MACROD2: variants seen among roughly 807,000 people sequenced by gnomAD.
MACROD2 encodes ADP-ribose glycohydrolase MACROD2.
Under a neutral mutation model 70.4 loss-of-function variants are expected in MACROD2, and 36 were observed. The observed-to-expected ratio is 0.51, with a 90% confidence interval of 0.39 to 0.68. MACROD2 has a LOEUF of 0.68. Ranked by LOEUF, MACROD2 falls within the 30% of genes least tolerant of loss-of-function variation. The probability of loss-of-function intolerance (pLI) is 0.00; values close to 1 mark genes in which losing one functional copy is unlikely to be tolerated. For missense variants in MACROD2, 496 were observed against 538.4 expected, an observed-to-expected ratio of 0.92 and a Z score of 0.78; for synonymous variants, 172 against 178.8, an observed-to-expected ratio of 0.96 and a Z score of 0.30.
chr20:15,189,828 A>C (rs1336952601), intron 5 of MACROD2, among the ~76,000 whole-genome samples: 1 of 152,184 alleles, frequency 6.6e-6, no homozygotes, highest in African/African-American at 2.4e-5. Context: ...TTACAGTGTT[A>C]TCTCACCGAG....
intron 5 of MACROD2, among the ~76,000 whole-genome samples, chr20:14,982,802 A>G (rs1452010386): frequency 6.6e-6 from 1 of 152,158 alleles, no homozygotes; most frequent in Non-Finnish European, 1.5e-5. Flanking sequence ...AGGGCAGTGC[A>G]TTGGGCAGTG....
chr20:14,327,591 C>T (rs920144067), intron 3 of MACROD2: 1 of 1,395,404 alleles, frequency 7.2e-7, no homozygotes, highest in Admixed American at 2.7e-5. Context: ...AGACAGAAAA[C>T]AATAAGGCCA....
At chr20:14,165,188 T>C (rs1270374299) in intron 3 of MACROD2, among the ~76,000 whole-genome samples, 1 of 152,160 alleles carries the variant, frequency 6.6e-6, no homozygotes, top group African/African-American at 2.4e-5. Context: ...GTATGAGCTC[T>C]CTCTGGAGCA....
intron 5 of MACROD2, among the ~76,000 whole-genome samples, chr20:15,077,951 C>G (rs2123122715): frequency 6.6e-6 from 1 of 152,132 alleles, no homozygotes; most frequent in Non-Finnish European, 1.5e-5. Context: ...GAGGCATTCT[C>G]AGAAAGCTCA....
At chr20:14,020,874 G>A (rs926255636) in intron 2 of MACROD2, among the ~76,000 whole-genome samples, 6 of 152,028 alleles carry the variant, frequency 3.9e-5, no homozygotes, top group African/African-American at 1.4e-4. Flanking sequence ...TCTTAAGTAG[G>A]CTTCTTTTGA....
At chr20:15,329,545 C>T (rs1219595185) in intron 6 of MACROD2, among the ~76,000 whole-genome samples, 4 of 151,888 alleles carry the variant, frequency 2.6e-5, no homozygotes, top group Non-Finnish European at 4.4e-5. Flanking sequence ...CAGGACCAGC[C>T]TGGGCAACAT....
intron 5 of MACROD2, among the ~76,000 whole-genome samples, chr20:15,070,878 A>G (rs1412357315): frequency 6.6e-6 from 1 of 151,956 alleles, no homozygotes; most frequent in Non-Finnish European, 1.5e-5. Flanking sequence ...TCACTAGGGT[A>G]AACTTGAATA....
At chr20:15,555,369 G>A (rs2048152757) in intron 8 of MACROD2, among the ~76,000 whole-genome samples, 1 of 152,112 alleles carries the variant, frequency 6.6e-6, no homozygotes, top group South Asian at 2.1e-4. Flanking sequence ...TCACTTGAGT[G>A]CCTTCTTCTT....
At chr20:15,699,565 G>A (rs1319041627) in intron 8 of MACROD2, among the ~76,000 whole-genome samples, 2 of 152,102 alleles carry the variant, frequency 1.3e-5, no homozygotes, top group Non-Finnish European at 2.9e-5. Flanking sequence ...TGCCAGGAGG[G>A]GGCGCTTTCC....
intron 5 of MACROD2, among the ~76,000 whole-genome samples, chr20:14,839,451 G>A (rs1355928996): frequency 6.6e-6 from 1 of 152,092 alleles, no homozygotes; most frequent in Non-Finnish European, 1.5e-5. Context: ...CATGATCTTT[G>A]TAATGGCTGT....
At chr20:15,090,043 G>C (rs2075781560) in intron 5 of MACROD2, among the ~76,000 whole-genome samples, 2 of 152,110 alleles carry the variant, frequency 1.3e-5, no homozygotes, top group Non-Finnish European at 2.9e-5. Flanking sequence ...TGTGTGCTGA[G>C]ATGTTTGAGA....
intron 8 of MACROD2, among the ~76,000 whole-genome samples, chr20:15,804,164 C>A (rs1456012953): frequency 6.6e-6 from 1 of 152,156 alleles, no homozygotes; most frequent in Non-Finnish European, 1.5e-5. Flanking sequence ...TCAGATCAGG[C>A]CCTACTTATA....
At chr20:14,304,625 AAGC>A (rs2082504183) in intron 3 of MACROD2, among the ~76,000 whole-genome samples, 1 of 152,078 alleles carries the variant, frequency 6.6e-6, no homozygotes, top group African/African-American at 2.4e-5. Context: ...ATTATTTCAA[AAGC>A]TCTCTGTTAG....
At chr20:14,017,232 C>T (rs113699108) in intron 2 of MACROD2, among the ~76,000 whole-genome samples, 3,547 of 152,066 alleles carry the variant, frequency 0.023, 53 homozygotes, top group Non-Finnish European at 0.039. Flanking sequence ...AACAATTTTT[C>T]GGGTTTTCTG....
intron 9 of MACROD2, among the ~76,000 whole-genome samples, chr20:15,883,153 G>A (rs916405425): frequency 1.3e-5 from 2 of 152,016 alleles, no homozygotes; most frequent in African/African-American, 4.8e-5. Flanking sequence ...TGTTTGCCAG[G>A]TGAATAACGG....
chr20:14,489,875 TTA>T (rs914512747), intron 3 of MACROD2, among the ~76,000 whole-genome samples: 3 of 150,352 alleles, frequency 2.0e-5, no homozygotes, highest in African/African-American at 7.5e-5. Context: ...TTTTTTTTTT[TTA>T]AAAGACAGAG....
intron 6 of MACROD2, among the ~76,000 whole-genome samples, chr20:15,320,344 G>GCA (rs1407240260): frequency 6.6e-6 from 1 of 152,206 alleles, no homozygotes; most frequent in Non-Finnish European, 1.5e-5. Flanking sequence ...TCACATAGTT[G>GCA]CACACATTTT....
intron 2 of MACROD2, among the ~76,000 whole-genome samples, chr20:14,031,419 T>G (rs889317181): frequency 1.3e-5 from 2 of 152,216 alleles, no homozygotes; most frequent in Admixed American, 1.3e-4. Context: ...TGTTAGCAAC[T>G]TGAGACTCAG....
chr20:15,689,168 G>T (rs768504657), intron 8 of MACROD2, among the ~76,000 whole-genome samples: 6 of 152,172 alleles, frequency 3.9e-5, no homozygotes, highest in Non-Finnish European at 5.9e-5. Context: ...GCTGGGCATG[G>T]TGGTGGGCAC....
Sources: gnomAD v4.1 joint callset for allele counts (sites outside exome capture counted in the v4.1 genomes callset) on GRCh38, gnomAD v4.1.1 for gene constraint, MANE v1.5 for transcripts, NCBI Gene and HGNC (gene_info 2026-07-23, HGNC 2026-07-21) for gene names.